The following SFMBT2 variants were observed in gnomAD, a reference collection of about 807,000 sequenced individuals.
SFMBT2 encodes the protein Scm like with four mbt domains 2, also known as scm-like with four MBT domains protein 2.
Under a neutral mutation model 110.1 loss-of-function variants are expected in SFMBT2, and 38 were observed. The observed-to-expected ratio is 0.35, with a 90% CI of 0.27 to 0.45. The LOEUF (loss-of-function observed/expected upper bound fraction) is 0.45. Ranked by LOEUF, SFMBT2 falls within the 20% of genes least tolerant of loss-of-function variation. The pLI is 1.00. For missense variants in SFMBT2, 1,011 were observed against 1,094.9 expected (o/e 0.92, Z 1.08); for synonymous variants, 425 against 425.4 (o/e 1.00, Z 0.01).
chr10:7,400,599 C>T (rs1174987659), intron 1 of SFMBT2, among the ~76,000 whole-genome samples: 1 of 152,262 alleles, frequency 6.6e-6, no homozygotes, highest in Non-Finnish European at 1.5e-5. Context: ...CAGGGATTAG[C>T]TCCTCCAGGC....
intron 11 of SFMBT2, among the ~76,000 whole-genome samples, chr10:7,216,558 G>A (rs1422815340): frequency 6.6e-6 from 1 of 152,134 alleles, no homozygotes; most frequent in Non-Finnish European, 1.5e-5. Context: ...CATGAAAGTG[G>A]ACTAATACAG....
At chr10:7,256,760 C>A (rs917958730) in intron 7 of SFMBT2, among the ~76,000 whole-genome samples, 1 of 152,140 alleles carries the variant, frequency 6.6e-6, no homozygotes, top group East Asian at 1.9e-4. Context: ...CAACCCCAGC[C>A]TGGGACTGGT....
intron 4 of SFMBT2, among the ~76,000 whole-genome samples, chr10:7,306,946 A>G (rs1842715295): frequency 6.6e-6 from 1 of 152,218 alleles, no homozygotes; most frequent in African/African-American, 2.4e-5. Flanking sequence ...TTACCAAGCC[A>G]CCATCCTCAT....
chr10:7,249,202 A>C lies in SFMBT2; in HGVS notation c.871-553T>G, dbSNP rs557380869. 6 of 243,664 alleles carry C rather than the reference A, an allele frequency of 2.5e-5. No homozygotes were observed. In the South Asian group the frequency reaches 9.1e-4, roughly 37 times the overall value. The allele number at this position is 243,664 out of a possible 1,614,324, so 15.1% of individuals were successfully genotyped here. A position where few individuals can be genotyped will look rare whatever the true frequency, so the allele number is the denominator to read the frequency against. On this transcript the variant is annotated intron_variant, in intron 7 of 20. Transcript: ENST00000397167. ...TAGAGATGCCTGCAGGTAAGAATCC[A>C]AACCTGCCCCACAGACGATTAGAAC...
intron 4 of SFMBT2, among the ~76,000 whole-genome samples, chr10:7,287,831 C>T (rs1319995293): frequency 6.6e-6 from 1 of 152,200 alleles, no homozygotes; most frequent in Non-Finnish European, 1.5e-5. Flanking sequence ...AACGGGGGAT[C>T]CACCATCACT....
intron 7 of SFMBT2, among the ~76,000 whole-genome samples, chr10:7,271,160 T>C (rs1841565627): frequency 6.6e-6 from 1 of 151,914 alleles, no homozygotes; most frequent in Non-Finnish European, 1.5e-5. Flanking sequence ...TGGTGGTGCA[T>C]GCCTGTAATC....
chr10:7,228,703 CTTT>C (rs1564395057), intron 9 of SFMBT2, among the ~76,000 whole-genome samples: 44 of 133,098 alleles, frequency 3.3e-4, no homozygotes, highest in Middle Eastern at 3.6e-3. Flanking sequence ...TTCTTTCTTT[CTTT>C]CTTTCTTTCT....
At chr10:7,241,421 C>T (rs1033472765) in intron 9 of SFMBT2, 13 of 744,376 alleles carry the variant, frequency 1.7e-5, no homozygotes, top group African/African-American at 1.3e-4. Flanking sequence ...TATGTATTTG[C>T]ATATAATATC....
At chr10:7,312,309 C>T (rs1193665402) in intron 4 of SFMBT2, among the ~76,000 whole-genome samples, 1 of 152,070 alleles carries the variant, frequency 6.6e-6, no homozygotes. Flanking sequence ...TCTAGAGGTC[C>T]GAGGGAGCCG....
chr10:7,187,470 C>T (rs573349256), intron 16 of SFMBT2, among the ~76,000 whole-genome samples: 6 of 152,174 alleles, frequency 3.9e-5, no homozygotes, highest in Non-Finnish European at 5.9e-5. Context: ...GTAGCAGCAT[C>T]GTTAATTGGC....
intron 4 of SFMBT2, among the ~76,000 whole-genome samples, chr10:7,296,816 G>T (rs1025343776): frequency 2.6e-5 from 4 of 152,212 alleles, no homozygotes; most frequent in African/African-American, 9.6e-5. Context: ...TGACGTGGGT[G>T]GGCCTCACCC....
chr10:7,308,141 G>T (rs752291363), intron 4 of SFMBT2, among the ~76,000 whole-genome samples: 2 of 152,206 alleles, frequency 1.3e-5, no homozygotes, highest in Non-Finnish European at 2.9e-5. Context: ...GACTCCTTCA[G>T]TCCAGGAGTT....
intron 16 of SFMBT2, among the ~76,000 whole-genome samples, chr10:7,179,391 GAAAAAAAAAA>G (rs57497418): frequency 4.3e-5 from 3 of 70,300 alleles, no homozygotes; most frequent in African/African-American, 5.3e-5. Context: ...TTGCATTTTC[GAAAAAAAAAA>G]AAAAAAAAAA....
At chr10:7,300,537 G>C (rs897790454) in intron 4 of SFMBT2, among the ~76,000 whole-genome samples, 1 of 152,070 alleles carries the variant, frequency 6.6e-6, no homozygotes, top group African/African-American at 2.4e-5. Flanking sequence ...ACATACTTTA[G>C]AACATCCTCC....
At chr10:7,366,959 C>A (rs1381778433) in intron 4 of SFMBT2, among the ~76,000 whole-genome samples, 1 of 152,120 alleles carries the variant, frequency 6.6e-6, no homozygotes, top group East Asian at 1.9e-4. Flanking sequence ...AAACTGCCCC[C>A]GGAGAGAATA....
At chr10:7,202,713 G>A (rs2277225) in intron 12 of SFMBT2, 191 bp from the exon 13 acceptor site, 241,385 of 983,094 alleles carry the variant, frequency 0.25, 31,419 homozygotes, top group South Asian at 0.36. Flanking sequence ...CTCACCAGAT[G>A]TCAGATCTTA....
rs987206949 is a variant in SFMBT2, at chr10:7,364,804, G to T, written c.436+2845C>A. The stretch of plus-strand genomic sequence containing the variant: ...TGTGTACACGGCCCCCGGCATGAAC[G>T]CAACTCCCCTGAGTGTGAGGGGGCA... On this transcript the variant is annotated intron_variant, in intron 4 of 20. Transcript: ENST00000397167. Among the ~76,000 whole-genome samples, 4 of 152,182 alleles carry T rather than the reference G, an allele frequency of 2.6e-5. No individual in the cohort carries two copies. In the South Asian group the frequency reaches 8.3e-4, roughly 31 times the overall value.
At chr10:7,185,296 A>G (rs1040703065) in intron 16 of SFMBT2, among the ~76,000 whole-genome samples, 4 of 152,220 alleles carry the variant, frequency 2.6e-5, no homozygotes, top group African/African-American at 9.6e-5. Context: ...AGCAAACTAC[A>G]TACACTTGCG....
intron 4 of SFMBT2, among the ~76,000 whole-genome samples, chr10:7,315,103 A>AGAAAGAAAGAAG: frequency 6.9e-6 from 1 of 145,506 alleles, no homozygotes; most frequent in African/African-American, 2.5e-5. Context: ...AAAGAAAGAA[A>AGAAAGAAAGAAG]GAAAGAAAAA....
Sources: gnomAD v4.1 joint callset for allele counts (sites outside exome capture counted in the v4.1 genomes callset) on GRCh38, gnomAD v4.1.1 for gene constraint, MANE v1.5 for transcripts, NCBI Gene and HGNC (gene_info 2026-07-23, HGNC 2026-07-21) for gene names.